Variants in NDUFA10 observed in about 807,000 individuals in gnomAD.
NDUFA10 encodes NADH dehydrogenase [ubiquinone] 1 alpha subcomplex subunit 10, mitochondrial.
A neutral mutation model predicts 47.8 loss-of-function variants in NDUFA10; 40 were observed. The observed-to-expected ratio is 0.84, with a 90% CI of 0.65 to 1.09. The LOEUF (loss-of-function observed/expected upper bound fraction) is 1.09. Among genes scored for constraint, NDUFA10 ranks in the 50% least tolerant of loss-of-function variants. NDUFA10 has a pLI of 0.00. For missense variants in NDUFA10, 413 were observed against 451.1 expected (o/e 0.92, Z 0.76); for synonymous variants, 183 against 172.2 (o/e 1.06, Z -0.49).
intron 4 of NDUFA10, 152 bp from the exon 5 acceptor site, chr2:240,015,012 C>T (rs1387665447): frequency 3.4e-6 from 4 of 1,173,014 alleles, no homozygotes; most frequent in East Asian, 5.2e-5. Flanking sequence ...GTTCTAAGCA[C>T]TGACCACACA....
At chr2:240,002,643 T>C (rs1408311514) in intron 8 of NDUFA10, among the ~76,000 whole-genome samples, 3 of 152,174 alleles carry the variant, frequency 2.0e-5, no homozygotes, top group East Asian at 1.9e-4. Flanking sequence ...AGGGCTGACC[T>C]GACCCTTCCC....
At chr2:239,989,851 A>G (rs1489336573) in intron 9 of NDUFA10, among the ~76,000 whole-genome samples, 1 of 152,262 alleles carries the variant, frequency 6.6e-6, no homozygotes, top group Non-Finnish European at 1.5e-5. Context: ...AGAACCTTCC[A>G]GAAGAACATC....
chr2:239,963,659 T>C (rs1574817447), intron 9 of NDUFA10, among the ~76,000 whole-genome samples: 2 of 152,200 alleles, frequency 1.3e-5, no homozygotes, highest in Middle Eastern at 3.4e-3. Context: ...ACATGGCGGG[T>C]TGCCCCATAG....
At chr2:239,934,795 GCT>G (rs1694237334) in intron 4 of NDUFA10, among the ~76,000 whole-genome samples, 2 of 152,148 alleles carry the variant, frequency 1.3e-5, no homozygotes, top group Middle Eastern at 3.4e-3. Context: ...CCTTTCTCTG[GCT>G]CTCTCTGTCC....
chr2:239,960,298 C>T lies in NDUFA10; in HGVS notation c.*820G>A. 3.0e-6 allele frequency: 3 copies of T among 985,728 alleles called. No individual in the cohort carries two copies. The highest frequency in any genetic ancestry group is 3.6e-6 in the Non-Finnish European group (3 of 830,156). 61.1% of individuals were successfully genotyped at this position (985,728 alleles called of 1,614,324 possible). A position where few individuals can be genotyped will look rare whatever the true frequency, so the allele number is the denominator to read the frequency against. ...CAGCTTGTTTTGGTTTTCTAGGCTTCAACAGAGATGAATAAAGAAATCTGA... is the reference window on the plus strand; with the variant it reads ...CAGCTTGTTTTGGTTTTCTAGGCTTTAACAGAGATGAATAAAGAAATCTGA... On this transcript the variant is annotated 3_prime_UTR_variant, in exon 10 of 10. Coordinates refer to ENST00000252711, the MANE Select transcript of NDUFA10 (RefSeq NM_004544.4).
chr2:239,931,529 G>A (rs1002035391), intron 4 of NDUFA10, among the ~76,000 whole-genome samples: 4 of 152,088 alleles, frequency 2.6e-5, no homozygotes, highest in East Asian at 1.9e-4. Context: ...TCCACCAAGC[G>A]GGGTCTCCTC....
At chr2:239,966,133 G>T (rs6437355) in intron 9 of NDUFA10, among the ~76,000 whole-genome samples, 1 of 152,048 alleles carries the variant, frequency 6.6e-6, no homozygotes, top group African/African-American at 2.4e-5. Context: ...GTGGCCCACC[G>T]GGAGTGTTCC....
intron 9 of NDUFA10, among the ~76,000 whole-genome samples, chr2:239,972,930 G>C (rs1695359992): frequency 6.6e-6 from 1 of 152,192 alleles, no homozygotes; most frequent in Admixed American, 6.5e-5. Flanking sequence ...TTTCCAGATT[G>C]CATGTAAGAC....
chr2:239,953,220 G>A (rs1158944827), downstream of NDUFA10, among the ~76,000 whole-genome samples: 1 of 152,190 alleles, frequency 6.6e-6, no homozygotes, highest in African/African-American at 2.4e-5. Context: ...GCAGGGGCCA[G>A]CAGAGAGGAG....
intron 4 of NDUFA10, among the ~76,000 whole-genome samples, chr2:239,918,571 C>T (rs10181407): frequency 0.22 from 34,226 of 152,170 alleles, 5,350 homozygotes; most frequent in African/African-American, 0.45. Context: ...AATCTCATAC[C>T]TTAGTTCCCT....
intron 4 of NDUFA10, among the ~76,000 whole-genome samples, chr2:239,914,513 A>G (rs943376905): frequency 2.0e-5 from 3 of 151,982 alleles, no homozygotes; most frequent in Non-Finnish European, 2.9e-5. Context: ...AAACATACAC[A>G]CAGAACACAC....
chr2:239,997,654 A>G (rs1696536858), intron 8 of NDUFA10, among the ~76,000 whole-genome samples: 1 of 152,256 alleles, frequency 6.6e-6, no homozygotes, highest in Admixed American at 6.5e-5. Context: ...TTACTGTATT[A>G]TGAACATGAA....
At chr2:239,922,057 C>T (rs1407696123) in intron 4 of NDUFA10, among the ~76,000 whole-genome samples, 5 of 139,900 alleles carry the variant, frequency 3.6e-5, no homozygotes, top group African/African-American at 8.2e-5. Context: ...TCCCTCCCTC[C>T]CTTCCTTCTT....
At chr2:240,004,524 C>CG (rs1391324782) in intron 8 of NDUFA10, among the ~76,000 whole-genome samples, 1 of 151,492 alleles carries the variant, frequency 6.6e-6, no homozygotes, top group Non-Finnish European at 1.5e-5. Context: ...TAGTCCTACC[C>CG]CCTTCTGCAG....
At chr2:239,963,748 G>A (rs1559324408) in intron 9 of NDUFA10, among the ~76,000 whole-genome samples, 1 of 152,204 alleles carries the variant, frequency 6.6e-6, no homozygotes, top group African/African-American at 2.4e-5. Flanking sequence ...AGTAACTGAG[G>A]GAGGCAGCGC....
chr2:239,946,350 G>A (rs1046857867), intron 4 of NDUFA10, among the ~76,000 whole-genome samples: 2 of 152,194 alleles, frequency 1.3e-5, no homozygotes, highest in Admixed American at 6.5e-5. Flanking sequence ...GAAGGGTAGT[G>A]TGTTACTAGG....
chr2:239,978,414 T>C (rs1470354394), intron 9 of NDUFA10, among the ~76,000 whole-genome samples: 1 of 152,184 alleles, frequency 6.6e-6, no homozygotes, highest in East Asian at 1.9e-4. Context: ...GAAGCTCCTC[T>C]ACAGGCTCCT....
intron 8 of NDUFA10, among the ~76,000 whole-genome samples, chr2:239,999,982 G>A (rs1035107065): frequency 3.9e-5 from 6 of 152,312 alleles, no homozygotes; most frequent in Non-Finnish European, 7.3e-5. Context: ...CTGTCACAGC[G>A]CCGTGGCTCA....
At chr2:239,985,628 G>A (rs968068568) in intron 9 of NDUFA10, among the ~76,000 whole-genome samples, 2 of 152,192 alleles carry the variant, frequency 1.3e-5, no homozygotes, top group African/African-American at 4.8e-5. Context: ...GGACGCCAAG[G>A]CAGACAGAAA....
Sources: allele counts gnomAD v4.1 joint callset (sites outside exome capture counted in the v4.1 genomes callset), GRCh38; gene constraint gnomAD v4.1.1; transcripts MANE v1.5; gene names NCBI Gene and HGNC (gene_info 2026-07-23, HGNC 2026-07-21).